TULP2: variants seen among roughly 807,000 people sequenced by gnomAD.
TULP2 encodes tubby-related protein 2.
TULP2 carries 64 observed loss-of-function variants against 60.3 expected under a neutral mutation model. The observed-to-expected ratio is 1.06, with a 90% CI of 0.87 to 1.31. The LOEUF (loss-of-function observed/expected upper bound fraction) is 1.31, where lower values mean the gene tolerates loss of function less well. TULP2 is among the 50% of genes most tolerant of loss of function. The pLI is 0.00. For synonymous variants in TULP2, 267 were observed against 265.4 expected (o/e 1.01, Z -0.06); for missense variants, 652 against 667.0 (o/e 0.98, Z 0.25).
Position 48,889,434 on chromosome 19 carries a change from T to C in TULP2, c.636+76A>G, listed in dbSNP as rs2037212597. On this transcript the variant is annotated intron_variant, in intron 7 of 12. Coordinates refer to ENST00000221399, the MANE Select transcript of TULP2 (RefSeq NM_003323.3). ...AGAGCTTCTGATTGGGTGGCAGAAT[T>C]TTAGCCCCACCCTCACCAGAGGTCC... is the stretch of plus-strand genomic sequence containing the variant. The C allele has an allele frequency of 2.0e-6, 3 of 1,489,806 alleles. No homozygotes were observed. In the African/African-American group the frequency reaches 4.2e-5, roughly 21 times the overall value. The allele number at this position is 1,489,806 out of a possible 1,614,324, so 92.3% of individuals were successfully genotyped here. A position where few individuals can be genotyped will look rare whatever the true frequency, so the allele number is the denominator to read the frequency against.
chr19:48,890,183 C>T (rs1464134281), intron 6 of TULP2, among the ~76,000 whole-genome samples: 26 of 151,914 alleles, frequency 1.7e-4, no homozygotes, highest in Non-Finnish European at 2.1e-4. Context: ...CCCGATTGTA[C>T]GTTCCATCTA....
intron 9 of TULP2, 59 bp from the exon 10 acceptor site, chr19:48,884,105 G>T: frequency 7.4e-7 from 1 of 1,353,552 alleles, no homozygotes; most frequent in Non-Finnish European, 1.1e-6. Flanking sequence ...TTGAGTAAGT[G>T]TCACTCATCG....
intron 8 of TULP2, among the ~76,000 whole-genome samples, chr19:48,885,862 G>A (rs1010269088): frequency 4.6e-5 from 7 of 151,758 alleles, no homozygotes; most frequent in African/African-American, 1.7e-4. Flanking sequence ...TCCAGCCTGG[G>A]CAATAGACTG....
chr19:48,891,251 G>C (rs1026336485), intron 6 of TULP2, among the ~76,000 whole-genome samples: 4 of 150,794 alleles, frequency 2.7e-5, no homozygotes, highest in African/African-American at 9.8e-5. Context: ...GTGAACCCGG[G>C]AGGCGGAGCT....
chr19:48,896,463 A>C lies in TULP2; in HGVS notation c.178T>G (p.Cys60Gly), dbSNP rs370964631. ...PDASPWLWRS[C>G]LREERLLGDR... ...CCTAAAAGGCGCTCCTCCCGCAGAC[A>C]AGAGCGCCAAAGCCACGGGGAAGCG... Residue 60 changes from cysteine to glycine, a missense_variant, in exon 4 of 13, where the codon TGT (cysteine) becomes GGT (glycine). Cys to Gly is a radical substitution (Grantham distance 159, BLOSUM62 -3). Transcript: ENST00000221399. 6.2e-6 allele frequency: 10 copies of C among 1,611,128 alleles called. No individual in the cohort carries two copies. The African/African-American group carries it at 6.7e-5, about 11-fold the overall frequency.
Position 48,895,640 on chromosome 19 carries a change from G to A in TULP2, c.212-137C>T, listed in dbSNP as rs1408914970. 9 of 1,107,916 alleles carry A rather than the reference G, an allele frequency of 8.1e-6. No individual in the cohort carries two copies. The East Asian group carries it at 1.7e-4, about 21-fold the overall frequency. The allele number at this position is 1,107,916 out of a possible 1,614,324, so 68.6% of individuals were successfully genotyped here. A position where few individuals can be genotyped will look rare whatever the true frequency, so the allele number is the denominator to read the frequency against. On this transcript the variant is annotated intron_variant, in intron 4 of 12. Transcript: ENST00000221399. Reference sequence around the variant, plus strand: ...CACGCCTGTAATCCCAGCACTTTGGGAGGCCGAGGCAGGCGGATCACCTGA... The same window carrying A: ...CACGCCTGTAATCCCAGCACTTTGGAAGGCCGAGGCAGGCGGATCACCTGA...
chr19:48,882,386 G>C (rs1042653652), intron 11 of TULP2, among the ~76,000 whole-genome samples, 183 bp from the exon 12 acceptor site: 1 of 152,158 alleles, frequency 6.6e-6, no homozygotes, highest in Non-Finnish European at 1.5e-5. Flanking sequence ...GATGAGACAG[G>C]AGTTTGACAG....
chr19:48,897,261 C>T lies in TULP2; in HGVS notation c.84+84G>A. On this transcript the variant is annotated intron_variant, in intron 3 of 12. Coordinates refer to ENST00000221399, the MANE Select transcript of TULP2 (RefSeq NM_003323.3). The surrounding 1 kb of genome is among the most constrained non-coding windows in gnomAD (Gnocchi z 4.0). ...GAGACAGCCAACACGGGCTGGGAGT[C>T]CTAGAGCAAGACCTGGTGGAGAGGC... The T allele has an allele frequency of 6.8e-7, 1 of 1,465,086 alleles. No homozygotes were observed. Among genetic ancestry groups the T allele is most frequent in the East Asian group, 2.3e-5 (1 of 42,790 alleles). The allele number at this position is 1,465,086 out of a possible 1,614,324, so 90.8% of individuals were successfully genotyped here.
chr19:48,889,457 T>G, intron 7 of TULP2, 53 bp downstream of exon 7: 1 of 1,539,594 alleles, frequency 6.5e-7, no homozygotes, highest in Non-Finnish European at 8.8e-7. Flanking sequence ...TCACCAGAGG[T>G]CCGAGGCTAG....
rs980352534 is a variant in TULP2 at position 48,889,933 on chromosome 19, A to G, written c.515-302T>C. Reference sequence around the variant, plus strand: ...TACCCAGGGACACAAACACCGCGGAAGGGCGCAGGGACCTCTGCCTAGGAA... The same window carrying G: ...TACCCAGGGACACAAACACCGCGGAGGGGCGCAGGGACCTCTGCCTAGGAA... On this transcript the variant is annotated intron_variant, in intron 6 of 12. Transcript: ENST00000221399. Among the ~76,000 whole-genome samples the G allele has an allele frequency of 8.5e-5, 13 of 152,338 alleles. No individual in the cohort carries two copies. In the East Asian group the frequency reaches 2.5e-3, roughly 29 times the overall value.
At chr19:48,894,573 G>A (rs555776546) in intron 6 of TULP2, among the ~76,000 whole-genome samples, 29 of 152,124 alleles carry the variant, frequency 1.9e-4, no homozygotes, top group African/African-American at 6.5e-4. Context: ...CCTAGGAGGC[G>A]GAGGTTGCAG....
chr19:48,897,006 C>T lies in TULP2; in HGVS notation c.84+339G>A, dbSNP rs1158746105. Reference sequence around the variant, plus strand: ...CCGGATTCAAACGATTCTCCTGCCTCAGCCTCCCGAGTAGCTGGGATTACA... The same window carrying T: ...CCGGATTCAAACGATTCTCCTGCCTTAGCCTCCCGAGTAGCTGGGATTACA... On this transcript the variant is annotated intron_variant, in intron 3 of 12. Coordinates refer to ENST00000221399, the MANE Select transcript of TULP2 (RefSeq NM_003323.3). The surrounding 1 kb of genome is among the most constrained non-coding windows in gnomAD (Gnocchi z 4.0). 6.6e-6 allele frequency among the ~76,000 whole-genome samples: 1 copy of T among 152,118 alleles called. No individual in the cohort carries two copies. The highest frequency in any genetic ancestry group is 1.9e-4 in the East Asian group (1 of 5,188).
In TULP2 at chr19:48,895,042, G is replaced by C. The variant is rs183754645; in HGVS notation, c.470C>G (p.Ser157Cys). Residue 157 changes from serine (S) to cysteine (C), a missense_variant, in exon 6 of 13, where the codon TCT becomes TGT. Ser to Cys is a moderately radical substitution (Grantham distance 112, BLOSUM62 -1). Coordinates refer to ENST00000221399, the MANE Select transcript of TULP2 (RefSeq NM_003323.3). Reference protein sequence around the residue: ...GSVSPPPFKQSPRIRRKGWQA... With the variant: ...GSVSPPPFKQCPRIRRKGWQA... ...CCAACCCTTGCGTCGGATTCTCGGA[G>C]ACTGTTTAAAAGGTGGGGGAGAGAC... 66 of 1,614,112 alleles carry C rather than the reference G, an allele frequency of 4.1e-5. No homozygotes were observed. The highest frequency in any genetic ancestry group is 3.5e-4 in the Admixed American group (21 of 60,002).
At chr19:48,892,632 T>C (rs1055226565) in intron 6 of TULP2, among the ~76,000 whole-genome samples, 1 of 151,734 alleles carries the variant, frequency 6.6e-6, no homozygotes, top group Admixed American at 6.6e-5. Flanking sequence ...GCCTCCCGAA[T>C]AGCTGGGACT....
At chr19:48,889,484 T>C (rs748250154) in intron 7 of TULP2, 26 bp downstream of exon 7, 1 of 1,568,354 alleles carries the variant, frequency 6.4e-7, no homozygotes, top group Non-Finnish European at 8.7e-7. Context: ...TCTTCCAATA[T>C]CCTGAGTGAT....
chr19:48,897,858 T>G lies in TULP2; in HGVS notation c.11A>C (p.Asp4Ala). MSQ[D>A]NDTLMRDILG... ...TCACTCTCTCATCAATGTGTCATTATCCTGAGACATTCTGCAGAAGCAAGA... is the reference window on the plus strand; with the variant it reads ...TCACTCTCTCATCAATGTGTCATTAGCCTGAGACATTCTGCAGAAGCAAGA... The change falls in exon 2 of 13, where the codon GAT becomes GCT. Residue 4 changes from aspartate to alanine, a missense_variant. Asp to Ala is a moderately radical substitution (Grantham distance 126). Coordinates refer to ENST00000221399, the MANE Select transcript of TULP2 (RefSeq NM_003323.3). This position sits in a 1 kb window ranked among gnomAD's most constrained non-coding sequence, Gnocchi z 4.0. 6.2e-7 allele frequency: 1 copy of G among 1,613,408 alleles called. No homozygotes were observed. The highest frequency in any genetic ancestry group is 8.5e-7 in the Non-Finnish European group (1 of 1,179,712).
rs1038119140 is a variant in TULP2 at position 48,894,418 on chromosome 19, G to A, written c.514+580C>T. On this transcript the variant is annotated intron_variant, in intron 6 of 12. Coordinates refer to ENST00000221399, the MANE Select transcript of TULP2 (RefSeq NM_003323.3). Reference sequence around the variant, plus strand: ...AGCACTTTGGGAGGCTGAGGTGGGTGGATCATGAGGTCAGGAGTTTAAGAC... The same window carrying A: ...AGCACTTTGGGAGGCTGAGGTGGGTAGATCATGAGGTCAGGAGTTTAAGAC... 2.8e-4 allele frequency among the ~76,000 whole-genome samples: 43 copies of A among 152,034 alleles called. 1 individual carries two copies. The highest frequency in any genetic ancestry group is 1.4e-3 in the Admixed American group (22 of 15,256).
chr19:48,885,871 T>TGAGA (rs2037175299), intron 8 of TULP2, among the ~76,000 whole-genome samples: 1 of 151,494 alleles, frequency 6.6e-6, no homozygotes, highest in African/African-American at 2.4e-5. Context: ...GGCAATAGAC[T>TGAGA]GAGACTCCAT....
At position 48,883,856 on chromosome 19, in the gene TULP2, G is replaced by C. The variant is rs1441875825; in HGVS notation, c.1177-4C>G. The C allele has an allele frequency of 1.2e-6, 2 of 1,614,014 alleles. No individual in the cohort carries two copies. The highest frequency in any genetic ancestry group is 2.2e-5 in the East Asian group (1 of 44,882). ...GGTATCCTAAGACGTTGGGCTCCTG[G>C]GGGTATTACATTCCAGTTGGCCTGG... is the stretch of plus-strand genomic sequence containing the variant. On this transcript the variant is annotated splice_region_variant and splice_polypyrimidine_tract_variant and intron_variant, in intron 10 of 12. Coordinates refer to ENST00000221399, the MANE Select transcript of TULP2 (RefSeq NM_003323.3).
Sources: allele counts gnomAD v4.1 joint callset (sites outside exome capture counted in the v4.1 genomes callset), GRCh38; gene constraint gnomAD v4.1.1; non-coding constraint Gnocchi (gnomAD v3.1); transcripts MANE v1.5; gene names NCBI Gene and HGNC (gene_info 2026-07-23, HGNC 2026-07-21).